COP1: variants seen among roughly 807,000 people sequenced by gnomAD.
COP1 encodes COP1 E3 ubiquitin ligase.
COP1 carries 24 observed loss-of-function variants against 101.3 expected under a neutral mutation model. The ratio of observed to expected loss-of-function variants is 0.24; its 90% CI spans 0.17 to 0.33. The LOEUF is 0.33. Ranked by LOEUF, COP1 falls within the 10% of genes least tolerant of loss-of-function variation. The probability of loss-of-function intolerance (pLI) is 1.00; values close to 1 mark genes in which losing one functional copy is unlikely to be tolerated. For missense variants in COP1, 663 were observed against 906.2 expected (o/e 0.73, Z 3.45); for synonymous variants, 347 against 341.9 (o/e 1.01, Z -0.17).
At chr1:176,176,346 T>C (rs1179932839) in intron 2 of COP1, among the ~76,000 whole-genome samples, 2 of 152,160 alleles carry the variant, frequency 1.3e-5, no homozygotes, top group Non-Finnish European at 1.5e-5. Context: ...AAACAGACTA[T>C]TCATATTATT....
chr1:176,149,743 A>C (rs1190141398), intron 5 of COP1, among the ~76,000 whole-genome samples: 1 of 152,122 alleles, frequency 6.6e-6, no homozygotes, highest in Non-Finnish European at 1.5e-5. Context: ...AAACATAAAA[A>C]CACAAGTATG....
chr1:175,963,205 G>A (rs557550904), intron 18 of COP1, among the ~76,000 whole-genome samples: 2 of 151,848 alleles, frequency 1.3e-5, no homozygotes, highest in Middle Eastern at 3.4e-3. Context: ...TCTTCACAGT[G>A]GGCTTTAGGC....
intron 14 of COP1, among the ~76,000 whole-genome samples, chr1:176,032,274 G>A (rs1384587797): frequency 6.6e-6 from 1 of 152,128 alleles, no homozygotes; most frequent in East Asian, 1.9e-4. Context: ...GGGGCAATGT[G>A]TATTGTTTTA....
intron 14 of COP1, among the ~76,000 whole-genome samples, chr1:176,033,288 TG>T (rs1557965829): frequency 6.6e-6 from 1 of 151,644 alleles, no homozygotes; most frequent in Non-Finnish European, 1.5e-5. Flanking sequence ...GGGGCGAGGG[TG>T]GGGGGAACAT....
intron 18 of COP1, among the ~76,000 whole-genome samples, chr1:175,957,757 A>C (rs1571247782): frequency 6.6e-6 from 1 of 152,228 alleles, no homozygotes; most frequent in East Asian, 1.9e-4. Flanking sequence ...CTTTATTAAA[A>C]ATAGTTCAAA....
At chr1:176,087,801 C>T (rs1269384316) in intron 9 of COP1, among the ~76,000 whole-genome samples, 1 of 152,164 alleles carries the variant, frequency 6.6e-6, no homozygotes, top group Non-Finnish European at 1.5e-5. Context: ...AAGACACATG[C>T]ACATGTATGT....
At chr1:175,947,758 A>C (rs1649370627) in intron 18 of COP1, among the ~76,000 whole-genome samples, 1 of 152,230 alleles carries the variant, frequency 6.6e-6, no homozygotes, top group African/African-American at 2.4e-5. Flanking sequence ...GAATAAAGTT[A>C]GAAGCAGAGT....
At position 176,136,477 on chromosome 1, in the gene COP1, T is replaced by TAA; in HGVS notation, c.891+10_891+11insTT. On this transcript the variant is annotated intron_variant, in intron 7 of 19. Transcript: ENST00000367669. ...AATTGCTAAGGATGTGAGAAATTCT[T>TAA]GATTCCTTACTTCCACTCTCTTAAT... 1.3e-6 allele frequency: 2 copies of TAA among 1,571,570 alleles called. No homozygotes were observed. Among genetic ancestry groups the TAA allele is most frequent in the Non-Finnish European group, 1.7e-6 (2 of 1,148,440 alleles).
chr1:176,188,346 C>T (rs1316666892), intron 1 of COP1, among the ~76,000 whole-genome samples: 1 of 152,060 alleles, frequency 6.6e-6, no homozygotes, highest in Admixed American at 6.6e-5. Context: ...TCAGAAACTA[C>T]AGAAATGAAG....
At chr1:176,020,128 T>C (rs901461934) in intron 15 of COP1, among the ~76,000 whole-genome samples, 1 of 151,480 alleles carries the variant, frequency 6.6e-6, no homozygotes, top group Non-Finnish European at 1.5e-5. Context: ...CTGGCCAACA[T>C]GGCGAAACCC....
chr1:176,065,922 G>A (rs768783892), intron 11 of COP1, among the ~76,000 whole-genome samples: 19 of 151,914 alleles, frequency 1.3e-4, no homozygotes, highest in Non-Finnish European at 2.2e-4. Context: ...TGGCCAGGCC[G>A]ATCTCAAAAC....
At chr1:176,133,141 C>A (rs1240468292) in intron 8 of COP1, among the ~76,000 whole-genome samples, 2 of 138,872 alleles carry the variant, frequency 1.4e-5, no homozygotes, top group Non-Finnish European at 3.2e-5. Flanking sequence ...CATACACATA[C>A]GTATATACGT....
chr1:176,195,495 C>T (rs894790250), intron 1 of COP1, among the ~76,000 whole-genome samples: 4 of 152,128 alleles, frequency 2.6e-5, no homozygotes, highest in African/African-American at 9.7e-5. Flanking sequence ...TATAGAACCT[C>T]AGCCTACACA....
In COP1 at chr1:176,040,216, C is replaced by T. The variant is rs1205036258; in HGVS notation, c.1612+2970G>A. ...ATTTAGAAATTCAAGGACAATTTTT[C>T]TTTCTTTACTTTCTTGCTCTTTCTT... On this transcript the variant is annotated intron_variant, in intron 14 of 19. Coordinates refer to ENST00000367669, the MANE Select transcript of COP1 (RefSeq NM_022457.7). 2.6e-5 allele frequency among the ~76,000 whole-genome samples: 4 copies of T among 152,056 alleles called. No homozygotes were observed. In the East Asian group the frequency reaches 7.7e-4, roughly 29 times the overall value.
Position 176,207,123 on chromosome 1 carries a change from T to TC in COP1, c.-146_-145insG, listed in dbSNP as rs1558319987. 5.0e-6 allele frequency: 3 copies of TC among 596,640 alleles called. No homozygotes were observed. Among genetic ancestry groups the TC allele is most frequent in the Non-Finnish European group, 7.7e-6 (3 of 390,868 alleles). 37.0% of individuals were successfully genotyped at this position (596,640 alleles called of 1,614,324 possible). ...GGGCTGAGGAACAATAAAGTTGCGT[T>TC]TTTTTTTAAGGCAGCCACACAACAG... On this transcript the variant is annotated 5_prime_UTR_variant, in exon 1 of 20. Coordinates refer to ENST00000367669, the MANE Select transcript of COP1 (RefSeq NM_022457.7).
chr1:176,083,639 A>T (rs1312704671), intron 10 of COP1, among the ~76,000 whole-genome samples: 1 of 152,192 alleles, frequency 6.6e-6, no homozygotes. Context: ...TCTTTCAATT[A>T]CAGTTAAAAC....
chr1:176,004,981 C>T (rs1403631777), intron 15 of COP1, among the ~76,000 whole-genome samples: 2 of 151,828 alleles, frequency 1.3e-5, no homozygotes, highest in Middle Eastern at 3.2e-3. Context: ...CCATCTGGTC[C>T]TGGACTCTTT....
intron 18 of COP1, among the ~76,000 whole-genome samples, chr1:175,962,497 T>G (rs746491858): frequency 6.6e-6 from 1 of 152,162 alleles, no homozygotes; most frequent in Non-Finnish European, 1.5e-5. Context: ...AAATTTGTCT[T>G]CTTGTCTAAA....
chr1:176,112,611 AATAACT>A (rs1203842113), intron 9 of COP1, among the ~76,000 whole-genome samples: 1 of 152,208 alleles, frequency 6.6e-6, no homozygotes, highest in Non-Finnish European at 1.5e-5. Flanking sequence ...ACAATAAAGT[AATAACT>A]ATAATTTCCC....
Sources: allele counts gnomAD v4.1 joint callset (sites outside exome capture counted in the v4.1 genomes callset), GRCh38; gene constraint gnomAD v4.1.1; transcripts MANE v1.5; gene names NCBI Gene and HGNC (gene_info 2026-07-23, HGNC 2026-07-21).